ANK2: variants seen among roughly 807,000 people sequenced by gnomAD.
The protein encoded by ANK2 is ankyrin 2, also known as ankyrin-2.
A neutral mutation model predicts 360.5 loss-of-function variants in ANK2; 83 were observed. That is an observed-to-expected ratio of 0.23 (90% confidence interval 0.19 to 0.28). The LOEUF is 0.28. Among genes scored for constraint, ANK2 ranks in the 10% least tolerant of loss-of-function variants. ANK2 has a pLI of 1.00. For synonymous variants in ANK2, 1,740 were observed against 1,759.5 expected, an observed-to-expected ratio of 0.99 and a Z score of 0.28; for missense variants, 4,201 against 4,795.7, an observed-to-expected ratio of 0.88 and a Z score of 3.66.
the ANK2 span, among the ~76,000 whole-genome samples, chr4:112,730,636 CAAAAAAAA>C: frequency 3.5e-5 from 2 of 57,944 alleles, no homozygotes; most frequent in African/African-American, 1.4e-4. Context: ...GACTCCATCT[CAAAAAAAA>C]AAAAAAAAAA....
intron 1 of ANK2, among the ~76,000 whole-genome samples, chr4:112,893,230 A>G (rs2080655489): frequency 1.3e-5 from 2 of 152,290 alleles, no homozygotes; most frequent in South Asian, 4.1e-4. Flanking sequence ...GAATATTATT[A>G]TTATTCCCAA....
At chr4:113,348,107 T>C in intron 35 of ANK2, 169 bp from the exon 36 acceptor site, 1 of 658,378 alleles carries the variant, frequency 1.5e-6, no homozygotes, top group Non-Finnish European at 2.7e-6. Flanking sequence ...TCTTCTTTTC[T>C]GCCTGTCTTC....
intron 1 of ANK2, among the ~76,000 whole-genome samples, chr4:113,060,065 A>C (rs1267609809): frequency 6.6e-6 from 1 of 152,060 alleles, no homozygotes; most frequent in African/African-American, 2.4e-5. Context: ...CTTATCTCCT[A>C]ATGTGTGAAG....
intron 1 of ANK2, among the ~76,000 whole-genome samples, chr4:113,087,562 C>T (rs578075499): frequency 7.2e-5 from 11 of 152,130 alleles, no homozygotes; most frequent in African/African-American, 2.6e-4. Context: ...TATTAACAAG[C>T]AATTAAAATA....
At position 113,240,479 on chromosome 4, in the gene ANK2, T is replaced by C. The variant is rs1157784153; in HGVS notation, c.694-6T>C. The C allele has an allele frequency of 6.2e-7, 1 of 1,609,752 alleles. No individual in the cohort carries two copies. The highest frequency in any genetic ancestry group is 1.1e-5 in the South Asian group (1 of 90,984). On this transcript the variant is annotated splice_polypyrimidine_tract_variant and splice_region_variant and intron_variant, in intron 7 of 45. Coordinates refer to ENST00000357077, the MANE Select transcript of ANK2 (RefSeq NM_001148.6). The stretch of plus-strand genomic sequence containing the variant: ...TATACTGACTGTCATATCTTTGCTT[T>C]CATAGAGTGGTTTTACCCCTTTGCA...
intron 20 of ANK2, 50 bp from the exon 21 acceptor site, chr4:113,292,366 C>A: frequency 6.7e-7 from 1 of 1,496,606 alleles, no homozygotes; most frequent in Non-Finnish European, 9.2e-7. Context: ...CCTAATTTTC[C>A]TCTCCCTCTG....
chr4:113,183,285 C>G (rs2098452709), intron 2 of ANK2, among the ~76,000 whole-genome samples: 1 of 151,810 alleles, frequency 6.6e-6, no homozygotes, highest in Non-Finnish European at 1.5e-5. Flanking sequence ...GGAGAGATAG[C>G]AGTTGAGGGT....
At chr4:113,037,545 A>C (rs1190177667) in intron 2 of ANK2, among the ~76,000 whole-genome samples, 5 of 151,976 alleles carry the variant, frequency 3.3e-5, no homozygotes, top group African/African-American at 1.2e-4. Flanking sequence ...TTGTATAGTC[A>C]ATGTGACCAA....
intron 1 of ANK2, among the ~76,000 whole-genome samples, chr4:112,899,096 G>C (rs2082553245): frequency 6.6e-6 from 1 of 152,206 alleles, no homozygotes; most frequent in Admixed American, 6.5e-5. Flanking sequence ...GGGCTGTGAA[G>C]CCTTTCCTGT....
Position 113,288,426 on chromosome 4 carries a change from A to T in ANK2, c.2217A>T (p.Gly739=), listed in dbSNP as rs2065839058. Residue 739 remains glycine, a synonymous_variant, in exon 20 of 46, where the codon GGA becomes GGT. Transcript: ENST00000357077. ...YTPLIVACHY[G]NVKMVNFLLK... ...CTTTAATTGTGGCCTGTCACTATGGAAATGTGAAAATGGTCAACTTTCTTC... is the reference window on the plus strand; with the variant it reads ...CTTTAATTGTGGCCTGTCACTATGGTAATGTGAAAATGGTCAACTTTCTTC... 1 of 1,613,980 alleles carries T rather than the reference A, an allele frequency of 6.2e-7. No homozygotes were observed. Among genetic ancestry groups the T allele is most frequent in the Non-Finnish European group, 8.5e-7 (1 of 1,179,940 alleles).
intron 13 of ANK2, among the ~76,000 whole-genome samples, chr4:113,261,976 C>T (rs989109268): frequency 5.9e-5 from 9 of 152,062 alleles, no homozygotes; most frequent in African/African-American, 1.5e-4. Context: ...TCACTTGAAC[C>T]AAAGAGGTGG....
In ANK2 at chr4:113,354,531, G is replaced by A. The variant is rs776705641; in HGVS notation, c.5913G>A (p.Lys1971=). The A allele has an allele frequency of 2.5e-6, 4 of 1,614,114 alleles. No homozygotes were observed. The highest frequency in any genetic ancestry group is 2.2e-5 in the East Asian group (1 of 44,872). ...TGTCACCTTCTGGCAAAACAGAAAAGCAACCACCTGTATCCCCCACTTCAA... is the reference window on the plus strand; with the variant it reads ...TGTCACCTTCTGGCAAAACAGAAAAACAACCACCTGTATCCCCCACTTCAA... ...LPVSPSGKTE[K]QPPVSPTSKT... is the part of the protein sequence containing the mutation. Residue 1971 remains lysine, a synonymous_variant, in exon 38 of 46, where the codon AAG becomes AAA. Coordinates refer to ENST00000357077, the MANE Select transcript of ANK2 (RefSeq NM_001148.6).
chr4:112,883,336 G>A (rs1466879433), intron 1 of ANK2, among the ~76,000 whole-genome samples: 1 of 151,986 alleles, frequency 6.6e-6, no homozygotes, highest in Non-Finnish European at 1.5e-5. Flanking sequence ...ACCGCACCCG[G>A]CCTGCTTGAT....
intron 2 of ANK2, among the ~76,000 whole-genome samples, chr4:112,950,602 C>T (rs2154252441): frequency 6.7e-6 from 1 of 149,916 alleles, no homozygotes; most frequent in Non-Finnish European, 1.5e-5. Flanking sequence ...CGAGATCATG[C>T]CACTGCACTC....
chr4:113,164,799 T>C (rs1562546494), intron 1 of ANK2, among the ~76,000 whole-genome samples: 1 of 152,224 alleles, frequency 6.6e-6, no homozygotes, highest in Non-Finnish European at 1.5e-5. Flanking sequence ...TCCTTAAGTA[T>C]TGCAGTGGGA....
chr4:113,145,540 C>T (rs747507121), intron 1 of ANK2: 37 of 973,124 alleles, frequency 3.8e-5, no homozygotes, highest in Non-Finnish European at 4.4e-5. Flanking sequence ...AAAACAACAC[C>T]GCCCCCTCCC....
intron 1 of ANK2, among the ~76,000 whole-genome samples, chr4:113,125,237 G>A (rs886100517): frequency 4.0e-5 from 6 of 151,846 alleles, no homozygotes; most frequent in East Asian, 1.9e-4. Context: ...ATTTTTTAGC[G>A]AAAAAACTTA....
At chr4:112,805,373 C>A in the ANK2 span, among the ~76,000 whole-genome samples, 1 of 152,086 alleles carries the variant, frequency 6.6e-6, no homozygotes, top group East Asian at 1.9e-4. Flanking sequence ...TGGTTGCCTA[C>A]CTTTGTACCA....
chr4:112,974,982 G>C (rs2040875967), intron 2 of ANK2, among the ~76,000 whole-genome samples: 1 of 152,098 alleles, frequency 6.6e-6, no homozygotes, highest in African/African-American at 2.4e-5. Context: ...TTTTCAAATG[G>C]GTTAACTCTA....
Sources: gnomAD v4.1 joint callset for allele counts (sites outside exome capture counted in the v4.1 genomes callset) on GRCh38, gnomAD v4.1.1 for gene constraint, MANE v1.5 for transcripts, NCBI Gene and HGNC (gene_info 2026-07-23, HGNC 2026-07-21) for gene names.